NT5M: variants seen among roughly 807,000 people sequenced by gnomAD.
NT5M encodes 5',3'-nucleotidase, mitochondrial.
NT5M carries 22 observed loss-of-function variants against 22.2 expected under a neutral mutation model. That is an observed-to-expected ratio of 0.99 (90% confidence interval 0.71 to 1.41). The LOEUF is 1.41. NT5M is among the 40% of genes most tolerant of loss of function. The pLI is 0.00. For missense variants in NT5M, 322 were observed against 314.8 expected, an observed-to-expected ratio of 1.02 and a Z score of -0.17; for synonymous variants, 167 against 133.0, an observed-to-expected ratio of 1.26 and a Z score of -1.76.
At chr17:17,316,289 C>A (rs73302340) in intron 2 of NT5M, among the ~76,000 whole-genome samples, 19 of 150,194 alleles carry the variant, frequency 1.3e-4, no homozygotes, top group African/African-American at 4.7e-4. Context: ...ACCTCTTAAC[C>A]GCTTGACTTC....
At chr17:17,313,544 A>T (rs1046606173) in intron 2 of NT5M, among the ~76,000 whole-genome samples, 1 of 152,166 alleles carries the variant, frequency 6.6e-6, no homozygotes, top group Admixed American at 6.5e-5. Flanking sequence ...AGTACAAGAG[A>T]TGTGGGCCCA....
rs193166587 is a variant in NT5M, at chr17:17,326,821, C to T, written c.429+3576C>T. ...TAGTGGATGTCCTGATCAAACTAAA[C>T]GAAAGAGCAAAGGCAACAAGAATCC... On this transcript the variant is annotated intron_variant, in intron 3 of 4. Transcript: ENST00000389022. 7.2e-5 allele frequency among the ~76,000 whole-genome samples: 11 copies of T among 152,308 alleles called. No individual in the cohort carries two copies. In the East Asian group the frequency reaches 1.9e-3, roughly 27 times the overall value.
intron 2 of NT5M, among the ~76,000 whole-genome samples, chr17:17,313,263 G>C (rs765178090): frequency 2.0e-5 from 3 of 152,082 alleles, no homozygotes; most frequent in Non-Finnish European, 4.4e-5. Flanking sequence ...TGGGTAAAAA[G>C]AGTGAAAATC....
At chr17:17,304,412 G>A (rs1567876617) in intron 1 of NT5M, 3 of 985,360 alleles carry the variant, frequency 3.0e-6, no homozygotes, top group Non-Finnish European at 3.6e-6. Context: ...TCCGACTCCC[G>A]AGGTGTTCTG....
intron 2 of NT5M, among the ~76,000 whole-genome samples, chr17:17,317,737 G>T (rs752979899): frequency 1.3e-5 from 2 of 152,120 alleles, no homozygotes; most frequent in Non-Finnish European, 2.9e-5. Flanking sequence ...GGCCATGGAG[G>T]GCGAATCACC....
chr17:17,337,533 TAGCTGAG>T (rs1290539756), intron 3 of NT5M, among the ~76,000 whole-genome samples: 4 of 152,178 alleles, frequency 2.6e-5, no homozygotes, highest in Admixed American at 2.6e-4. Flanking sequence ...GCCTCCCAAG[TAGCTGAG>T]ACTACAAGCG....
At chr17:17,310,410 A>C (rs752752500) in intron 2 of NT5M, among the ~76,000 whole-genome samples, 37 of 152,230 alleles carry the variant, frequency 2.4e-4, no homozygotes, top group Non-Finnish European at 4.6e-4. Flanking sequence ...TGTTATACCC[A>C]AAAGTAAGTT....
At chr17:17,322,412 G>A (rs1205397482) in intron 2 of NT5M, among the ~76,000 whole-genome samples, 1 of 152,162 alleles carries the variant, frequency 6.6e-6, no homozygotes, top group African/African-American at 2.4e-5. Context: ...GGATGCTGGG[G>A]AGAGGCTGAG....
At chr17:17,304,207 A>G (rs1256454884) in intron 1 of NT5M, among the ~76,000 whole-genome samples, 1 of 151,434 alleles carries the variant, frequency 6.6e-6, no homozygotes, top group Non-Finnish European at 1.5e-5. Context: ...CAGGACTTTG[A>G]TGGGTGTCTT....
intron 3 of NT5M, among the ~76,000 whole-genome samples, chr17:17,329,470 C>T (rs2049332182): frequency 6.6e-6 from 1 of 152,110 alleles, no homozygotes; most frequent in African/African-American, 2.4e-5. Context: ...CTTTTCACCC[C>T]CTAGAGAGAT....
intron 4 of NT5M, among the ~76,000 whole-genome samples, chr17:17,345,634 CAAAAAAA>C (rs34513135): frequency 1.0e-3 from 103 of 98,618 alleles, no homozygotes; most frequent in African/African-American, 4.5e-3. Flanking sequence ...CCTGTCTCTA[CAAAAAAA>C]AAAAAAAAAA....
At chr17:17,346,761 C>T (rs1337942986) in intron 4 of NT5M, 44 bp from the exon 5 acceptor site, 1 of 1,602,218 alleles carries the variant, frequency 6.2e-7, no homozygotes, top group Non-Finnish European at 8.5e-7. Context: ...CGGCTGCGCT[C>T]CAGGTCTCCA....
chr17:17,347,106 T>C lies in NT5M; in HGVS notation c.*159T>C. The C allele has an allele frequency of 1.0e-6, 1 of 959,806 alleles. No individual in the cohort carries two copies. Among genetic ancestry groups the C allele is most frequent in the Non-Finnish European group, 1.5e-6 (1 of 664,482 alleles). 59.5% of individuals were successfully genotyped at this position (959,806 alleles called of 1,614,324 possible). A position where few individuals can be genotyped will look rare whatever the true frequency, so the allele number is the denominator to read the frequency against. On this transcript the variant is annotated 3_prime_UTR_variant, in exon 5 of 5. Coordinates refer to ENST00000389022, the MANE Select transcript of NT5M (RefSeq NM_020201.4). ...TTCCCTTCCCCAGCCCTGCCAGGCC[T>C]TAACCTGATCACGGGGCAGGGCTGG...
intron 3 of NT5M, among the ~76,000 whole-genome samples, chr17:17,330,748 T>C (rs927835929): frequency 4.7e-5 from 7 of 148,454 alleles, no homozygotes; most frequent in Admixed American, 1.3e-4. Flanking sequence ...CTTTCTTTTT[T>C]TTTTTTTTTT....
chr17:17,332,076 G>A (rs574599015), intron 3 of NT5M, among the ~76,000 whole-genome samples: 1 of 152,004 alleles, frequency 6.6e-6, no homozygotes, highest in East Asian at 1.9e-4. Flanking sequence ...CACCGCATCC[G>A]GCCTATGGTA....
At chr17:17,315,175 A>G (rs2048997702) in intron 2 of NT5M, among the ~76,000 whole-genome samples, 1 of 152,216 alleles carries the variant, frequency 6.6e-6, no homozygotes, top group South Asian at 2.1e-4. Context: ...CCACTCATTT[A>G]GAAGGATAAG....
intron 2 of NT5M, among the ~76,000 whole-genome samples, chr17:17,319,206 C>T (rs1384154421): frequency 3.3e-5 from 4 of 121,306 alleles, no homozygotes; most frequent in East Asian, 2.8e-4. Flanking sequence ...AGTGAGACCT[C>T]GTCTTAGAAA....
At chr17:17,310,938 C>G (rs939605500) in intron 2 of NT5M, among the ~76,000 whole-genome samples, 5 of 152,206 alleles carry the variant, frequency 3.3e-5, no homozygotes, top group Admixed American at 2.6e-4. Context: ...GCAGGTGGAT[C>G]ACCTGAGGTC....
At position 17,346,771 on chromosome 17, in the gene NT5M, A is replaced by C. The variant is rs200276521; in HGVS notation, c.545-34A>C. Reference sequence around the variant, plus strand: ...CTAGGCGGCTGCGCTCCAGGTCTCCACTGCTGAGCTGAATGCCGCTTTCCC... The same window carrying C: ...CTAGGCGGCTGCGCTCCAGGTCTCCCCTGCTGAGCTGAATGCCGCTTTCCC... On this transcript the variant is annotated intron_variant, in intron 4 of 4. Transcript: ENST00000389022. 254 of 1,603,868 alleles carry C rather than the reference A, an allele frequency of 1.6e-4. 1 individual carries two copies. In the African/African-American group the frequency reaches 2.9e-3, roughly 18 times the overall value.
Sources: gnomAD v4.1 joint callset for allele counts (sites outside exome capture counted in the v4.1 genomes callset) on GRCh38, gnomAD v4.1.1 for gene constraint, MANE v1.5 for transcripts, NCBI Gene and HGNC (gene_info 2026-07-23, HGNC 2026-07-21) for gene names.